Variants in TSNARE1 observed in about 807,000 individuals in gnomAD.
TSNARE1 encodes t-SNARE domain containing 1.
Under a neutral mutation model 62.0 loss-of-function variants are expected in TSNARE1, and 49 were observed. The ratio of observed to expected loss-of-function variants is 0.79; its 90% CI spans 0.63 to 1.00. The LOEUF (loss-of-function observed/expected upper bound fraction) is 1.00. TSNARE1 is among the 50% of genes least tolerant of loss of function. TSNARE1 has a pLI of 0.00. For missense variants in TSNARE1, 755 were observed against 700.1 expected (o/e 1.08, Z -0.88); for synonymous variants, 328 against 294.4 (o/e 1.11, Z -1.17).
At chr8:142,384,596 A>G (rs931813281) in intron 1 of TSNARE1, among the ~76,000 whole-genome samples, 8 of 152,236 alleles carry the variant, frequency 5.3e-5, no homozygotes, top group Admixed American at 4.6e-4. Context: ...CATCTTTTCA[A>G]CAAATGGTGC....
intron 13 of TSNARE1, among the ~76,000 whole-genome samples, chr8:142,228,159 C>T (rs1464016279): frequency 6.6e-6 from 1 of 152,236 alleles, no homozygotes; most frequent in Non-Finnish European, 1.5e-5. Flanking sequence ...CCTACAGTCT[C>T]ACAAGAGACC....
chr8:142,348,233 C>A (rs1028374286), intron 2 of TSNARE1, among the ~76,000 whole-genome samples: 1 of 152,204 alleles, frequency 6.6e-6, no homozygotes, highest in Non-Finnish European at 1.5e-5. Flanking sequence ...CCACATTCGC[C>A]ACAAATCACA....
chr8:142,386,091 T>C (rs1300180907), intron 1 of TSNARE1, among the ~76,000 whole-genome samples: 1 of 152,208 alleles, frequency 6.6e-6, no homozygotes, highest in South Asian at 2.1e-4. Flanking sequence ...TGCCAGAGAA[T>C]GCTCTCTGCT....
intron 12 of TSNARE1, among the ~76,000 whole-genome samples, chr8:142,232,740 C>A (rs1166811682): frequency 6.6e-6 from 1 of 152,184 alleles, no homozygotes; most frequent in Non-Finnish European, 1.5e-5. Context: ...AAGAGGCGGG[C>A]GCAGGCGATG....
Position 142,262,324 on chromosome 8 carries a change from CGT to C in TSNARE1, c.1446+12455_1446+12456del, listed in dbSNP as rs144256368. ...AAAACCCACTCTTCCTATCCATGAA[CGT>C]GTGTGTGTGTGTGTGTGTGTGTCCA... On this transcript the variant is annotated intron_variant, in intron 12 of 13. Transcript: ENST00000524325. 7.0e-3 allele frequency among the ~76,000 whole-genome samples: 1,033 copies of C among 148,292 alleles called. 9 individuals carry two copies. Among genetic ancestry groups the C allele is most frequent in the African/African-American group, 0.019 (783 of 40,700 alleles).
At chr8:142,377,755 A>T (rs1402519225) in intron 1 of TSNARE1, among the ~76,000 whole-genome samples, 1 of 152,250 alleles carries the variant, frequency 6.6e-6, no homozygotes, top group Non-Finnish European at 1.5e-5. Flanking sequence ...CTGCACCCCC[A>T]GAGCTCTGCT....
intron 2 of TSNARE1, among the ~76,000 whole-genome samples, 188 bp from the exon 3 acceptor site, chr8:142,346,080 G>A (rs1833333363): frequency 6.6e-6 from 1 of 152,214 alleles, no homozygotes; most frequent in Non-Finnish European, 1.5e-5. Context: ...CCAGCAAGGA[G>A]TTCAGAACTT....
At chr8:142,367,034 T>C (rs1216066624) in intron 1 of TSNARE1, among the ~76,000 whole-genome samples, 1 of 150,372 alleles carries the variant, frequency 6.7e-6, no homozygotes, top group East Asian at 1.9e-4. Context: ...ACGAAAAATA[T>C]AGTATACCTA....
rs116343610 is a variant in TSNARE1, at chr8:142,344,790, G to A, written c.239-318C>T. 1.7e-3 allele frequency among the ~76,000 whole-genome samples: 264 copies of A among 152,348 alleles called. 1 individual carries two copies. The highest frequency in any genetic ancestry group is 5.6e-3 in the African/African-American group (233 of 41,586). ...GCAGGAGCCGAGCAGGCTAGGTTGC[G>A]GCCCTGGACCCTCTCCAGGGTTTCC... is the stretch of plus-strand genomic sequence containing the variant. On this transcript the variant is annotated intron_variant, in intron 3 of 13. Coordinates refer to ENST00000524325, the MANE Select transcript of TSNARE1 (RefSeq NM_145003.5).
At chr8:142,223,108 A>G (rs1816521406) in intron 13 of TSNARE1, among the ~76,000 whole-genome samples, 1 of 121,596 alleles carries the variant, frequency 8.2e-6, no homozygotes, top group Non-Finnish European at 1.6e-5. Context: ...TCATTCACTC[A>G]CTCGTTCACT....
intron 12 of TSNARE1, among the ~76,000 whole-genome samples, chr8:142,252,001 C>T (rs1450740524): frequency 7.5e-6 from 1 of 133,686 alleles, no homozygotes; most frequent in East Asian, 2.3e-4. Flanking sequence ...CCGCCACTCG[C>T]GTTCTCTATC....
chr8:142,322,553 G>T (rs370950181), intron 6 of TSNARE1, among the ~76,000 whole-genome samples: 1 of 152,238 alleles, frequency 6.6e-6, no homozygotes, highest in Non-Finnish European at 1.5e-5. Flanking sequence ...ACTAATCAGC[G>T]AGTGAATCTA....
intron 5 of TSNARE1, 134 bp downstream of exon 5, chr8:142,331,620 G>T: frequency 1.2e-6 from 1 of 811,500 alleles, no homozygotes; most frequent in Non-Finnish European, 2.0e-6. Flanking sequence ...CGCATCAGTG[G>T]ACCCACGAAA....
chr8:142,345,249 A>G lies in TSNARE1; in HGVS notation c.238+494T>C, dbSNP rs141072103. On this transcript the variant is annotated intron_variant, in intron 3 of 13. Coordinates refer to ENST00000524325, the MANE Select transcript of TSNARE1 (RefSeq NM_145003.5). ...CCTGGTGCTGCATGTCTGAGCCCCC[A>G]AGGAGAAGCACTCAAGTACAGGCCT... Among the ~76,000 whole-genome samples, 917 of 152,280 alleles carry G rather than the reference A, an allele frequency of 6.0e-3. 10 individuals carry two copies. The highest frequency in any genetic ancestry group is 0.021 in the African/African-American group (860 of 41,560).
At chr8:142,360,467 A>C (rs184804234) in intron 1 of TSNARE1, among the ~76,000 whole-genome samples, 1 of 152,254 alleles carries the variant, frequency 6.6e-6, no homozygotes, top group Non-Finnish European at 1.5e-5. Flanking sequence ...TGTTTTGCCC[A>C]AGAATAGCCC....
chr8:142,315,203 G>A, intron 7 of TSNARE1, 111 bp from the exon 8 acceptor site: 1 of 1,084,392 alleles, frequency 9.2e-7, no homozygotes, highest in Non-Finnish European at 1.4e-6. Context: ...CACTCAGAAT[G>A]GGGCTCGCCA....
At chr8:142,254,803 G>A (rs554466146) in intron 12 of TSNARE1, among the ~76,000 whole-genome samples, 18 of 152,288 alleles carry the variant, frequency 1.2e-4, no homozygotes, top group Admixed American at 3.3e-4. Context: ...TGCTGCAGGC[G>A]GCTGCTGGGC....
At chr8:142,269,650 A>C in intron 12 of TSNARE1, 3 of 985,302 alleles carry the variant, frequency 3.0e-6, no homozygotes, top group Non-Finnish European at 3.6e-6. Context: ...TTTTTAATGG[A>C]CAAGAACCCA....
chr8:142,356,534 C>T (rs894940232), intron 1 of TSNARE1, among the ~76,000 whole-genome samples: 2 of 152,148 alleles, frequency 1.3e-5, no homozygotes, highest in African/African-American at 2.4e-5. Flanking sequence ...GGGGCCTCAT[C>T]GGGAAAAGCT....
Sources: allele counts gnomAD v4.1 joint callset (sites outside exome capture counted in the v4.1 genomes callset), GRCh38; gene constraint gnomAD v4.1.1; transcripts MANE v1.5; gene names NCBI Gene and HGNC (gene_info 2026-07-23, HGNC 2026-07-21).